The following POMT2 variants were observed in gnomAD, a reference collection of about 807,000 sequenced individuals.
POMT2 encodes the protein protein O-mannosyl-transferase 2.
POMT2 carries 75 observed loss-of-function variants against 100.0 expected under a neutral mutation model. That is an observed-to-expected ratio of 0.75 (90% CI 0.62 to 0.91). The LOEUF (loss-of-function observed/expected upper bound fraction) is 0.91, where lower values mean the gene tolerates loss of function less well. Among genes scored for constraint, POMT2 ranks in the 40% least tolerant of loss-of-function variants. The pLI is 0.00. For synonymous variants in POMT2, 378 were observed against 374.1 expected (o/e 1.01, Z -0.12); for missense variants, 940 against 955.1 (o/e 0.98, Z 0.21).
chr14:77,296,711 A>G (rs1340515138), intron 8 of POMT2, among the ~76,000 whole-genome samples: 1 of 152,234 alleles, frequency 6.6e-6, no homozygotes, highest in Admixed American at 6.5e-5. Flanking sequence ...ACCATATGAA[A>G]TAACTGTTCA....
At chr14:77,298,646 A>AC (rs2139470133) in intron 8 of POMT2, 43 bp downstream of exon 8, 2 of 1,603,046 alleles carry the variant, frequency 1.2e-6, no homozygotes, top group East Asian at 4.5e-5. Context: ...CTCCCAGGAC[A>AC]CCCCTCTGCC....
intron 6 of POMT2, chr14:77,299,945 T>C: frequency 3.3e-6 from 1 of 303,828 alleles, no homozygotes; most frequent in Non-Finnish European, 6.4e-6. Flanking sequence ...ACATGGCTAA[T>C]GGCTCCTTAT....
In POMT2 at chr14:77,298,769, C is replaced by T. The variant is rs1269967221; in HGVS notation, c.926G>A (p.Gly309Asp). Residue 309 changes from glycine (G) to aspartate (D), a missense_variant and splice_region_variant, in exon 8 of 21, where the codon GGC (glycine) becomes GAC (aspartate). By Grantham distance (94) the Gly-to-Asp change is moderately conservative. Coordinates refer to ENST00000261534, the MANE Select transcript of POMT2 (RefSeq NM_013382.7). ...AGAACTGAAGAAACCGTCACCAGGGCCACTGTGGGGAGAGGAAGAGCAGAA... is the reference window on the plus strand; with the variant it reads ...AGAACTGAAGAAACCGTCACCAGGGTCACTGTGGGGAGAGGAAGAGCAGAA... Reference protein sequence around the residue: ...AVHFMVLSKSGPGDGFFSSAF... With the variant: ...AVHFMVLSKSDPGDGFFSSAF... The T allele has an allele frequency of 6.2e-7, 1 of 1,612,274 alleles. No homozygotes were observed. Among genetic ancestry groups the T allele is most frequent in the Non-Finnish European group, 8.5e-7 (1 of 1,179,132 alleles).
At position 77,291,469 on chromosome 14, in the gene POMT2, A is replaced by T. The variant is rs1049548078; in HGVS notation, c.1117-89T>A. On this transcript the variant is annotated intron_variant, in intron 9 of 20. Transcript: ENST00000261534. Reference sequence around the variant, plus strand: ...CAGCTGGCCAAGGACAATCAACCTCAAACCAATGTTGCTTAAGCCAATTTC... The same window carrying T: ...CAGCTGGCCAAGGACAATCAACCTCTAACCAATGTTGCTTAAGCCAATTTC... 1.4e-5 allele frequency: 21 copies of T among 1,536,398 alleles called. No individual in the cohort carries two copies. The Admixed American group carries it at 2.3e-4, about 17-fold the overall frequency.
rs969874673 is a variant in POMT2, at chr14:77,283,229, T to A, written c.1653+568A>T. The stretch of plus-strand genomic sequence containing the variant: ...GCTGCATATAAACAACACACTCAAA[T>A]TAGCTATCCATCCTAACTGATCCTG... On this transcript the variant is annotated intron_variant, in intron 15 of 20. Coordinates refer to ENST00000261534, the MANE Select transcript of POMT2 (RefSeq NM_013382.7). Among the ~76,000 whole-genome samples the A allele has an allele frequency of 3.3e-5, 5 of 152,368 alleles. No individual in the cohort carries two copies. In the South Asian group the frequency reaches 6.2e-4, roughly 19 times the overall value.
At chr14:77,280,133 AC>A in intron 16 of POMT2, 53 bp from the exon 17 acceptor site, 1 of 1,612,760 alleles carries the variant, frequency 6.2e-7, no homozygotes, top group East Asian at 2.2e-5. Context: ...CCTCGGCCAC[AC>A]CCATTAGGGG....
At chr14:77,314,566 G>C (rs887479286) in intron 1 of POMT2, among the ~76,000 whole-genome samples, 2 of 152,210 alleles carry the variant, frequency 1.3e-5, no homozygotes, top group African/African-American at 2.4e-5. Flanking sequence ...GAAAGAATGA[G>C]GGCCTCCATG....
chr14:77,303,372 G>GT (rs1378072371), intron 4 of POMT2, among the ~76,000 whole-genome samples: 4 of 152,124 alleles, frequency 2.6e-5, no homozygotes, highest in Admixed American at 2.6e-4. Flanking sequence ...GCAGAGTGAT[G>GT]TTTTTTAATT....
chr14:77,296,914 T>C (rs1405915963), intron 8 of POMT2, among the ~76,000 whole-genome samples: 1 of 152,220 alleles, frequency 6.6e-6, no homozygotes, highest in Non-Finnish European at 1.5e-5. Flanking sequence ...AATTACACAC[T>C]GGATCCAAAG....
At position 77,296,288 on chromosome 14, in the gene POMT2, G is replaced by A. The variant is rs1890827503; in HGVS notation, c.1007-15C>T. On this transcript the variant is annotated splice_polypyrimidine_tract_variant and intron_variant, in intron 8 of 20. Coordinates refer to ENST00000261534, the MANE Select transcript of POMT2 (RefSeq NM_013382.7). ...GTAGGCCAGGTCTGGGAGGAAGGGAGACAGCAGAGGGGTGAGCTGGCACAG... is the reference window on the plus strand; with the variant it reads ...GTAGGCCAGGTCTGGGAGGAAGGGAAACAGCAGAGGGGTGAGCTGGCACAG... The A allele has an allele frequency of 1.9e-6, 3 of 1,560,154 alleles. No individual in the cohort carries two copies. In the South Asian group the frequency reaches 3.5e-5, roughly 18 times the overall value.
chr14:77,308,869 T>C (rs182407107), intron 2 of POMT2: 3 of 410,494 alleles, frequency 7.3e-6, no homozygotes, highest in African/African-American at 4.1e-5. Flanking sequence ...TACAACGATA[T>C]ATGTACAAGG....
At chr14:77,299,366 C>G in intron 7 of POMT2, 89 bp downstream of exon 7, 1 of 1,181,798 alleles carries the variant, frequency 8.5e-7, no homozygotes, top group South Asian at 1.2e-5. Context: ...TCATTTTAAC[C>G]ACAGACCCAG....
At chr14:77,301,839 C>T (rs1379800059) in intron 5 of POMT2, among the ~76,000 whole-genome samples, 2 of 152,130 alleles carry the variant, frequency 1.3e-5, no homozygotes, top group Non-Finnish European at 2.9e-5. Flanking sequence ...GCAATTGGGT[C>T]AATGTTAGTG....
At chr14:77,277,515 C>CTGGGGGTGCCAA in intron 20 of POMT2, 34 bp from the exon 21 acceptor site, 1 of 1,479,050 alleles carries the variant, frequency 6.8e-7, no homozygotes, top group Non-Finnish European at 9.5e-7. Flanking sequence ...GCAGTTGGCA[C>CTGGGGGTGCCAA]CCCCAGTGCC....
intron 1 of POMT2, among the ~76,000 whole-genome samples, chr14:77,314,656 C>A (rs1278690690): frequency 1.3e-5 from 2 of 152,134 alleles, no homozygotes; most frequent in Admixed American, 6.5e-5. Context: ...TTGAAACAAG[C>A]CACTGAATGT....
Position 77,278,862 on chromosome 14 carries a change from G to A in POMT2, c.1899C>T (p.Ser633=). Residue 633 remains serine, a synonymous_variant, in exon 19 of 21, where the codon TCC becomes TCT. Coordinates refer to ENST00000261534, the MANE Select transcript of POMT2 (RefSeq NM_013382.7). The part of the protein sequence containing the change: ...ARLPAEVAGL[S]QVLLRGGGQV... ...GGCCGCCTCCTCGAAGCAGGACCTG[G>A]GACAACCCTGGGCCCAAGCAGCACA... 6.2e-7 allele frequency: 1 copy of A among 1,613,158 alleles called. No homozygotes were observed.
chr14:77,284,884 T>C (rs1890362697), intron 14 of POMT2, 66 bp downstream of exon 14: 2 of 1,413,310 alleles, frequency 1.4e-6, no homozygotes, highest in East Asian at 4.6e-5. Flanking sequence ...ACGCTTACTT[T>C]TCTAAGATAA....
chr14:77,299,228 T>C (rs1890934682), intron 7 of POMT2, among the ~76,000 whole-genome samples: 1 of 152,208 alleles, frequency 6.6e-6, no homozygotes, highest in Admixed American at 6.5e-5. Flanking sequence ...AAGGGACAAT[T>C]TGGCTATAAC....
chr14:77,320,670 G>T lies in POMT2; in HGVS notation c.12C>A (p.Ala4=). The change falls in exon 1 of 21, where the codon GCC becomes GCA. Residue 4 remains alanine, a synonymous_variant. Coordinates refer to ENST00000261534, the MANE Select transcript of POMT2 (RefSeq NM_013382.7). Reference sequence around the variant, plus strand: ...CGGACTCTGCCAGGCCTCCGCCCGTGGCCGGCGGCATCTTCCCCCTCCTCT... The same window carrying T: ...CGGACTCTGCCAGGCCTCCGCCCGTTGCCGGCGGCATCTTCCCCCTCCTCT... The part of the protein sequence containing the change: MPP[A]TGGGLAESEL... 2 of 1,593,524 alleles carry T rather than the reference G, an allele frequency of 1.3e-6. No homozygotes were observed. Among genetic ancestry groups the T allele is most frequent in the Non-Finnish European group, 1.7e-6 (2 of 1,178,146 alleles).
Sources: allele counts gnomAD v4.1 joint callset (sites outside exome capture counted in the v4.1 genomes callset), GRCh38; gene constraint gnomAD v4.1.1; transcripts MANE v1.5; gene names NCBI Gene and HGNC (gene_info 2026-07-23, HGNC 2026-07-21).